Variants in SMCO2 observed in about 807,000 individuals in gnomAD.
SMCO2 encodes single-pass membrane protein with coiled-coil domains 2, also known as single-pass membrane and coiled-coil domain-containing protein 2.
A neutral mutation model predicts 29.5 loss-of-function variants in SMCO2; 25 were observed. The observed-to-expected ratio is 0.85, with a 90% CI of 0.62 to 1.18. The LOEUF (loss-of-function observed/expected upper bound fraction) is 1.18, where lower values mean the gene tolerates loss of function less well. Among genes scored for constraint, SMCO2 ranks in the 50% most tolerant of loss-of-function variants. The probability of loss-of-function intolerance (pLI) is 0.00; values close to 1 mark genes in which losing one functional copy is unlikely to be tolerated. For missense variants in SMCO2, 348 were observed against 344.5 expected, an observed-to-expected ratio of 1.01 and a Z score of -0.08; for synonymous variants, 117 against 123.3, an observed-to-expected ratio of 0.95 and a Z score of 0.34.
intron 4 of SMCO2, among the ~76,000 whole-genome samples, chr12:27,487,470 C>T (rs1404589055): frequency 6.6e-6 from 1 of 152,134 alleles, no homozygotes; most frequent in Non-Finnish European, 1.5e-5. Flanking sequence ...AACCATTCAT[C>T]CACTAAAGGA....
intron 5 of SMCO2, among the ~76,000 whole-genome samples, chr12:27,492,805 CA>C (rs2135573655): frequency 6.6e-6 from 1 of 152,232 alleles, no homozygotes; most frequent in South Asian, 2.1e-4. Context: ...GCAGAACTAC[CA>C]GTCGACCCAG....
At chr12:27,442,220 TAAATG>T in the SMCO2 span, among the ~76,000 whole-genome samples, 5 of 151,850 alleles carry the variant, frequency 3.3e-5, no homozygotes, top group Non-Finnish European at 5.9e-5. Context: ...AGAGCAGAAA[TAAATG>T]AAATTGAGAC....
At chr12:27,475,504 C>A in intron 4 of SMCO2, 78 bp from the exon 5 acceptor site, 1 of 1,430,726 alleles carries the variant, frequency 7.0e-7, no homozygotes. Flanking sequence ...ACTCGCTATT[C>A]AAAGGAAGAG....
chr12:27,475,675 G>A (rs890178492), intron 4 of SMCO2: 24 of 1,547,828 alleles, frequency 1.6e-5, no homozygotes, highest in South Asian at 2.4e-5. Flanking sequence ...TAGACGGAAC[G>A]GAGAAAATTG....
At chr12:27,496,867 G>T (rs76228836) in intron 7 of SMCO2, 1 of 150,778 alleles carries the variant, frequency 6.6e-6, no homozygotes, top group Non-Finnish European at 1.5e-5. Flanking sequence ...TACTCCAAGG[G>T]ATACACAAAA....
the SMCO2 span, among the ~76,000 whole-genome samples, chr12:27,429,601 T>A: frequency 2.6e-5 from 4 of 152,190 alleles, no homozygotes; most frequent in Non-Finnish European, 5.9e-5. Context: ...TTATTGTCAC[T>A]TCATGAATGG....
chr12:27,486,798 A>C (rs1003119690), intron 4 of SMCO2, among the ~76,000 whole-genome samples: 6 of 152,258 alleles, frequency 3.9e-5, no homozygotes, highest in African/African-American at 1.4e-4. Flanking sequence ...CAGTTTGCAG[A>C]GACCTGTAGA....
intron 4 of SMCO2, 86 bp downstream of exon 5, chr12:27,475,817 T>A: frequency 7.8e-7 from 1 of 1,281,978 alleles, no homozygotes; most frequent in Admixed American, 3.3e-5. Context: ...CTTAAGATGA[T>A]AAAGTCTTTA....
intron 4 of SMCO2, among the ~76,000 whole-genome samples, chr12:27,476,307 G>A (rs1357142921): frequency 2.0e-5 from 3 of 152,280 alleles, no homozygotes; most frequent in African/African-American, 4.8e-5. Context: ...AATGTTCCTC[G>A]TGCTGATGAG....
At chr12:27,444,629 A>G in the SMCO2 span, among the ~76,000 whole-genome samples, 1 of 152,322 alleles carries the variant, frequency 6.6e-6, no homozygotes, top group South Asian at 2.1e-4. Context: ...AAAAAACACA[A>G]TGTGATCGTA....
chr12:27,440,732 A>T, the SMCO2 span, among the ~76,000 whole-genome samples: 2 of 115,008 alleles, frequency 1.7e-5, no homozygotes, highest in African/African-American at 6.3e-5. Context: ...AATAACTTTT[A>T]TATCTATAAA....
At chr12:27,490,019 C>A (rs1032347406) in intron 5 of SMCO2, among the ~76,000 whole-genome samples, 2 of 152,070 alleles carry the variant, frequency 1.3e-5, no homozygotes, top group African/African-American at 4.8e-5. Context: ...CACACATATA[C>A]GGAAATTCTC....
chr12:27,457,986 T>G, the SMCO2 span, among the ~76,000 whole-genome samples: 1 of 152,214 alleles, frequency 6.6e-6, no homozygotes, highest in Non-Finnish European at 1.5e-5. Flanking sequence ...CCTCACATAT[T>G]TGCAGCTTCC....
At chr12:27,490,410 T>C (rs1181244489) in intron 5 of SMCO2, among the ~76,000 whole-genome samples, 1 of 152,200 alleles carries the variant, frequency 6.6e-6, no homozygotes. Context: ...TAGGGGCTGA[T>C]GGAAATATTC....
the SMCO2 span, among the ~76,000 whole-genome samples, chr12:27,450,391 T>C: frequency 6.6e-6 from 1 of 150,710 alleles, no homozygotes; most frequent in African/African-American, 2.4e-5. Flanking sequence ...CCACTGGACC[T>C]CTGTGTCCTC....
At chr12:27,441,772 A>G in the SMCO2 span, among the ~76,000 whole-genome samples, 7 of 152,226 alleles carry the variant, frequency 4.6e-5, no homozygotes, top group Non-Finnish European at 8.8e-5. Context: ...TGCAGAATTC[A>G]TAGTCTTTTC....
chr12:27,492,115 A>G (rs1394208851), intron 5 of SMCO2, among the ~76,000 whole-genome samples: 1 of 152,210 alleles, frequency 6.6e-6, no homozygotes, highest in African/African-American at 2.4e-5. Context: ...GTATATTTAT[A>G]TTCTTCCAAA....
Position 27,468,793 on chromosome 12 carries a change from A to T in SMCO2, c.-11+1818A>T, listed in dbSNP as rs192083067. ...TTATATCTGACTCTAAGTAAATCAC[A>T]TCATCTCCCATAGGCTCCGTTAATA... On this transcript the variant is annotated intron_variant, in intron 1 of 7. Coordinates refer to ENST00000298876, the Ensembl canonical transcript of SMCO2. Among the ~76,000 whole-genome samples, 4 of 152,344 alleles carry T rather than the reference A, an allele frequency of 2.6e-5. No homozygotes were observed. In the South Asian group the frequency reaches 6.2e-4, roughly 24 times the overall value.
intron 1 of SMCO2, among the ~76,000 whole-genome samples, chr12:27,468,262 A>G (rs1424633778): frequency 6.6e-6 from 1 of 152,212 alleles, no homozygotes; most frequent in African/African-American, 2.4e-5. Flanking sequence ...GAAGAAGGTG[A>G]TAGTCTAGAA....
Sources: allele counts gnomAD v4.1 joint callset (sites outside exome capture counted in the v4.1 genomes callset), GRCh38; gene constraint gnomAD v4.1.1; transcripts MANE v1.5; gene names NCBI Gene and HGNC (gene_info 2026-07-23, HGNC 2026-07-21).